Variants in PPARGC1A observed in about 807,000 individuals in gnomAD.
The protein encoded by PPARGC1A is PPARG coactivator 1 alpha.
In PPARGC1A, 25 loss-of-function variants were observed where a neutral mutation model predicts 88.7. That is an observed-to-expected ratio of 0.28 (90% CI 0.21 to 0.39). The LOEUF (loss-of-function observed/expected upper bound fraction) is 0.39. Among genes scored for constraint, PPARGC1A ranks in the 10% least tolerant of loss-of-function variants. PPARGC1A has a pLI of 1.00. For synonymous variants in PPARGC1A, 363 were observed against 355.6 expected (o/e 1.02, Z -0.24); for missense variants, 880 against 968.7 (o/e 0.91, Z 1.22).
At chr4:23,949,690 A>T in the PPARGC1A span, among the ~76,000 whole-genome samples, 2 of 152,058 alleles carry the variant, frequency 1.3e-5, no homozygotes, top group Non-Finnish European at 2.9e-5. Context: ...TTCCTCTAGA[A>T]CCTACATTGT....
chr4:24,280,961 G>C, the PPARGC1A span, among the ~76,000 whole-genome samples: 11,373 of 152,226 alleles, frequency 0.075, 1,171 homozygotes, highest in African/African-American at 0.23. Context: ...ACCAACCAAA[G>C]CTGGAGAAGC....
the PPARGC1A span, among the ~76,000 whole-genome samples, chr4:24,115,454 C>T: frequency 3.9e-5 from 6 of 152,020 alleles, no homozygotes. Context: ...AACCGAGTAC[C>T]CTGGCATACA....
the PPARGC1A span, among the ~76,000 whole-genome samples, chr4:24,393,179 T>G: frequency 6.6e-6 from 1 of 152,192 alleles, no homozygotes; most frequent in Non-Finnish European, 1.5e-5. Context: ...TACAAAGGCC[T>G]CAGTAACTAC....
chr4:23,812,949 G>A, intron 9 of PPARGC1A, 72 bp downstream of exon 9: 1 of 1,612,060 alleles, frequency 6.2e-7, no homozygotes. Context: ...AGGGGTATAG[G>A]GTTTTGGAGA....
intron 7 of PPARGC1A, chr4:23,820,518 G>T (rs927667367): frequency 3.2e-5 from 10 of 317,178 alleles, no homozygotes; most frequent in African/African-American, 1.5e-4. Flanking sequence ...AAACAAAAAA[G>T]TGTAGCACTC....
At chr4:24,058,474 C>G in the PPARGC1A span, among the ~76,000 whole-genome samples, 10 of 152,280 alleles carry the variant, frequency 6.6e-5, no homozygotes, top group South Asian at 2.1e-3. Context: ...GCCGCCTACA[C>G]ACTCACAAAC....
At chr4:24,187,328 A>T in the PPARGC1A span, among the ~76,000 whole-genome samples, 4 of 152,074 alleles carry the variant, frequency 2.6e-5, no homozygotes, top group Non-Finnish European at 4.4e-5. Context: ...CCCATTATAC[A>T]GATAAAAACA....
At chr4:24,083,393 C>T in the PPARGC1A span, among the ~76,000 whole-genome samples, 1 of 152,156 alleles carries the variant, frequency 6.6e-6, no homozygotes, top group Non-Finnish European at 1.5e-5. Context: ...GATGGAAGGA[C>T]CTCTCCCCAG....
chr4:24,467,941 T>A, the PPARGC1A span, among the ~76,000 whole-genome samples: 1 of 152,174 alleles, frequency 6.6e-6, no homozygotes, highest in Non-Finnish European at 1.5e-5. Flanking sequence ...CGTGGTAATG[T>A]CTTTTACGTA....
chr4:24,305,205 GGTT>G, the PPARGC1A span, among the ~76,000 whole-genome samples: 1 of 147,650 alleles, frequency 6.8e-6, no homozygotes, highest in Non-Finnish European at 1.5e-5. Context: ...CCAAAGTCGT[GGTT>G]TTTTTGCCAT....
the PPARGC1A span, among the ~76,000 whole-genome samples, chr4:24,244,324 A>G: frequency 6.6e-6 from 1 of 152,342 alleles, no homozygotes; most frequent in South Asian, 2.1e-4. Flanking sequence ...AATATTTCAT[A>G]TATTAGATCT....
chr4:24,144,457 T>C, the PPARGC1A span, among the ~76,000 whole-genome samples: 2 of 150,846 alleles, frequency 1.3e-5, no homozygotes, highest in Non-Finnish European at 2.9e-5. Flanking sequence ...ATGCTGGAGC[T>C]GAGTTTTGAA....
At chr4:23,829,193 C>T (rs982751917) in intron 4 of PPARGC1A, among the ~76,000 whole-genome samples, 6 of 152,148 alleles carry the variant, frequency 3.9e-5, no homozygotes, top group African/African-American at 1.4e-4. Context: ...TACCGTGGCC[C>T]ACAATGCTGC....
In PPARGC1A at chr4:23,813,530, G is replaced by A. The variant is rs60338786; in HGVS notation, c.1793+160C>T. Among the ~76,000 whole-genome samples the A allele has an allele frequency of 7.1e-3, 1,079 of 152,338 alleles. 11 individuals carry two copies. Among genetic ancestry groups the A allele is most frequent in the Non-Finnish European group, 8.4e-3 (572 of 68,040 alleles). Reference sequence around the variant, plus strand: ...ACAGATTTAAGAGAACATGGAGAGAGATGTGAGTGTAACAATGTTCTCGTT... The same window carrying A: ...ACAGATTTAAGAGAACATGGAGAGAAATGTGAGTGTAACAATGTTCTCGTT... On this transcript the variant is annotated intron_variant, in intron 8 of 12. Transcript: ENST00000264867.
the PPARGC1A span, among the ~76,000 whole-genome samples, chr4:24,222,426 T>A: frequency 2.9e-4 from 44 of 152,328 alleles, no homozygotes; most frequent in African/African-American, 8.4e-4. Flanking sequence ...ATAATACTTA[T>A]CTCATAGAGT....
chr4:24,206,823 G>C, the PPARGC1A span, among the ~76,000 whole-genome samples: 1 of 133,868 alleles, frequency 7.5e-6, no homozygotes, highest in Non-Finnish European at 1.5e-5. Flanking sequence ...TCTGGGTGAC[G>C]GAGAAAGACT....
At chr4:23,826,094 T>C (rs570370918) in intron 5 of PPARGC1A, among the ~76,000 whole-genome samples, 1 of 152,234 alleles carries the variant, frequency 6.6e-6, no homozygotes, top group South Asian at 2.1e-4. Context: ...AAAGGAAGAC[T>C]CTCGAATTCT....
At chr4:23,861,831 A>T (rs2148714803) in intron 2 of PPARGC1A, among the ~76,000 whole-genome samples, 1 of 152,356 alleles carries the variant, frequency 6.6e-6, no homozygotes, top group Middle Eastern at 3.4e-3. Flanking sequence ...TTTTAAAAAG[A>T]GTTATATTCC....
At chr4:24,125,763 T>C in the PPARGC1A span, among the ~76,000 whole-genome samples, 1 of 152,182 alleles carries the variant, frequency 6.6e-6, no homozygotes, top group Non-Finnish European at 1.5e-5. Context: ...ATATATTAAA[T>C]TGACTTATCT....
Sources: gnomAD v4.1 joint callset for allele counts (sites outside exome capture counted in the v4.1 genomes callset) on GRCh38, gnomAD v4.1.1 for gene constraint, MANE v1.5 for transcripts, NCBI Gene and HGNC (gene_info 2026-07-23, HGNC 2026-07-21) for gene names.